Variants in RARS2 observed in about 807,000 individuals in gnomAD.
RARS2 encodes arginyl-tRNA synthetase 2, mitochondrial, also known as probable arginine--tRNA ligase, mitochondrial.
A neutral mutation model predicts 88.5 loss-of-function variants in RARS2; 67 were observed. The observed-to-expected ratio is 0.76, with a 90% CI of 0.62 to 0.93. The LOEUF is 0.93. Ranked by LOEUF, RARS2 falls within the 40% of genes least tolerant of loss-of-function variation. The pLI, the probability that RARS2 is intolerant of heterozygous loss-of-function variation, is 0.00. For synonymous variants in RARS2, 239 were observed against 230.3 expected (o/e 1.04, Z -0.34); for missense variants, 664 against 684.2 (o/e 0.97, Z 0.33).
intron 11 of RARS2, among the ~76,000 whole-genome samples, chr6:87,523,158 G>C (rs75129600): frequency 0.091 from 13,763 of 152,012 alleles, 661 homozygotes; most frequent in African/African-American, 0.12. Flanking sequence ...CAAAACAAAG[G>C]GAAATTTTTT....
At chr6:87,541,606 C>G (rs1040675665) in intron 8 of RARS2, among the ~76,000 whole-genome samples, 2 of 152,142 alleles carry the variant, frequency 1.3e-5, no homozygotes, top group Non-Finnish European at 2.9e-5. Context: ...GGTGGATTAC[C>G]TGAGGTCAGG....
At chr6:87,516,535 A>ACACC (rs1415923866) in intron 18 of RARS2, among the ~76,000 whole-genome samples, 1 of 152,188 alleles carries the variant, frequency 6.6e-6, no homozygotes, top group African/African-American at 2.4e-5. Context: ...GGTTGCCCTA[A>ACACC]CACCATCTCT....
At chr6:87,543,613 C>G (rs1781719961) in intron 7 of RARS2, among the ~76,000 whole-genome samples, 1 of 151,950 alleles carries the variant, frequency 6.6e-6, no homozygotes, top group Non-Finnish European at 1.5e-5. Context: ...TGCACGCCAG[C>G]CTGGGTGACA....
chr6:87,564,637 C>A, intron 2 of RARS2: 1 of 297,834 alleles, frequency 3.4e-6, no homozygotes, highest in South Asian at 3.0e-5. Flanking sequence ...CCACTGCACT[C>A]CAGCCTGGGT....
chr6:87,547,841 T>A (rs1783048959), intron 6 of RARS2, among the ~76,000 whole-genome samples: 3 of 152,012 alleles, frequency 2.0e-5, no homozygotes, highest in African/African-American at 7.2e-5. Context: ...GGTTTCACCA[T>A]GTTGGCCAGG....
chr6:87,542,127 C>CT, intron 7 of RARS2, 133 bp from the exon 8 acceptor site: 1 of 685,392 alleles, frequency 1.5e-6, no homozygotes, highest in Non-Finnish European at 2.6e-6. Flanking sequence ...ACAAAACACA[C>CT]TTTTACCTTC....
Position 87,524,659 on chromosome 6 carries a change from A to T in RARS2, c.879-7T>A. 6.3e-7 allele frequency: 1 copy of T among 1,590,908 alleles called. No individual in the cohort carries two copies. The highest frequency in any genetic ancestry group is 1.7e-5 in the Admixed American group (1 of 59,998). ...TACTACAGCCGTTCCTTTTCTAGAA[A>T]TTCGAAAAGGTAACTCTGAAGCAAC... On this transcript the variant is annotated splice_region_variant and splice_polypyrimidine_tract_variant and intron_variant, in intron 10 of 19. Coordinates refer to ENST00000369536, the MANE Select transcript of RARS2 (RefSeq NM_020320.5).
intron 10 of RARS2, among the ~76,000 whole-genome samples, chr6:87,528,984 A>G (rs4398698): frequency 0.11 from 16,834 of 152,252 alleles, 979 homozygotes; most frequent in East Asian, 0.15. Flanking sequence ...AATATATACA[A>G]TATGTCATTC....
intron 4 of RARS2, among the ~76,000 whole-genome samples, chr6:87,559,470 A>C (rs1273709570): frequency 1.4e-5 from 1 of 69,716 alleles, no homozygotes; most frequent in African/African-American, 4.9e-5. Flanking sequence ...TCTCAAAAAA[A>C]AAAAAAAAAA....
At chr6:87,531,198 A>G (rs961158930) in intron 8 of RARS2, among the ~76,000 whole-genome samples, 4 of 152,226 alleles carry the variant, frequency 2.6e-5, no homozygotes, top group Non-Finnish European at 5.9e-5. Flanking sequence ...AAATAACCAA[A>G]TAGCCAAAAA....
In RARS2 at chr6:87,535,010, A is replaced by G. The variant is rs1366040922; in HGVS notation, c.613-4068T>C. On this transcript the variant is annotated intron_variant, in intron 8 of 19. Transcript: ENST00000369536. ...CCTCTAGGACTGTCCTAGGAGACAC[A>G]TAAGAGCCTGGGGAACTTTGCATGA... Among the ~76,000 whole-genome samples the G allele has an allele frequency of 2.6e-5, 4 of 151,562 alleles. No individual in the cohort carries two copies. In the South Asian group the frequency reaches 6.3e-4, roughly 24 times the overall value.
chr6:87,519,208 G>GTGTGTGTATATATATA (rs1210109506), intron 14 of RARS2: 119 of 257,710 alleles, frequency 4.6e-4, no homozygotes, highest in East Asian at 3.9e-3. Context: ...GTGTGTGTGT[G>GTGTGTGTATATATATA]TATATATATA....
At chr6:87,586,737 C>T (rs1179957741) in intron 1 of RARS2, among the ~76,000 whole-genome samples, 1 of 152,104 alleles carries the variant, frequency 6.6e-6, no homozygotes, top group East Asian at 1.9e-4. Context: ...TATAGCAAAA[C>T]GATGCTCATT....
chr6:87,574,197 C>G (rs577849043), intron 1 of RARS2, among the ~76,000 whole-genome samples: 3 of 152,318 alleles, frequency 2.0e-5, no homozygotes, highest in African/African-American at 7.2e-5. Context: ...CATTCTCCTA[C>G]TGCAGAAAGC....
At chr6:87,566,318 C>T (rs1356397887) in intron 2 of RARS2, among the ~76,000 whole-genome samples, 1 of 152,032 alleles carries the variant, frequency 6.6e-6, no homozygotes, top group Non-Finnish European at 1.5e-5. Context: ...TTTTTAAACG[C>T]TAAAAAAATT....
intron 14 of RARS2, chr6:87,519,208 G>GTGTGTGTGTGTATATA (rs1210109506): frequency 1.9e-5 from 5 of 257,648 alleles, no homozygotes; most frequent in Admixed American, 5.2e-5. Flanking sequence ...GTGTGTGTGT[G>GTGTGTGTGTGTATATA]TATATATATA....
Position 87,521,670 on chromosome 6 carries a change from C to T in RARS2, c.975-146G>A, listed in dbSNP as rs560482393. On this transcript the variant is annotated intron_variant, in intron 11 of 19. Transcript: ENST00000369536. Reference sequence around the variant, plus strand: ...GAATTCCACCCACACTTAGATAATCCGAATATCATGTTTTGATATAAAATG... The same window carrying T: ...GAATTCCACCCACACTTAGATAATCTGAATATCATGTTTTGATATAAAATG... The T allele has an allele frequency of 1.3e-4, 78 of 595,926 alleles. No homozygotes were observed. The African/African-American group carries it at 1.3e-3, about 10-fold the overall frequency. 36.9% of individuals were successfully genotyped at this position (595,926 alleles called of 1,614,324 possible).
chr6:87,587,930 C>G lies in RARS2; in HGVS notation c.36+1992G>C, dbSNP rs1438695039. ...GGACCACAGGTGTGTGCCACTACACCTAAGTTTTGTTTTTTATTTCTTTAT... is the reference window on the plus strand; with the variant it reads ...GGACCACAGGTGTGTGCCACTACACGTAAGTTTTGTTTTTTATTTCTTTAT... On this transcript the variant is annotated intron_variant, in intron 1 of 19. Transcript: ENST00000369536. Among the ~76,000 whole-genome samples the G allele has an allele frequency of 3.3e-5, 5 of 152,106 alleles. No individual in the cohort carries two copies. The South Asian group carries it at 6.2e-4, about 19-fold the overall frequency.
intron 1 of RARS2, among the ~76,000 whole-genome samples, chr6:87,585,421 T>C (rs956280483): frequency 3.9e-5 from 6 of 152,144 alleles, no homozygotes; most frequent in African/African-American, 1.4e-4. Flanking sequence ...TTTCAAATTA[T>C]AGGTTGCCAG....
Sources: allele counts gnomAD v4.1 joint callset (sites outside exome capture counted in the v4.1 genomes callset), GRCh38; gene constraint gnomAD v4.1.1; transcripts MANE v1.5; gene names NCBI Gene and HGNC (gene_info 2026-07-23, HGNC 2026-07-21).